THAP12: variants seen among roughly 807,000 people sequenced by gnomAD.
THAP12 encodes the protein THAP domain containing 12.
Under a neutral mutation model 63.0 loss-of-function variants are expected in THAP12, and 20 were observed. The ratio of observed to expected loss-of-function variants is 0.32; its 90% CI spans 0.22 to 0.46. The LOEUF (loss-of-function observed/expected upper bound fraction) is 0.46. Ranked by LOEUF, THAP12 falls within the 20% of genes least tolerant of loss-of-function variation. The pLI, the probability that THAP12 is intolerant of heterozygous loss-of-function variation, is 1.00. For synonymous variants in THAP12, 264 were observed against 328.4 expected, an observed-to-expected ratio of 0.80 and a Z score of 2.12; for missense variants, 568 against 908.2, an observed-to-expected ratio of 0.63 and a Z score of 4.81.
chr11:76,374,325 T>G, intron 1 of THAP12, among the ~76,000 whole-genome samples: 1 of 152,002 alleles, frequency 6.6e-6, no homozygotes, highest in South Asian at 2.1e-4. Context: ...AATTGGTCAT[T>G]TGGAAAATAT....
chr11:76,366,984 G>T (rs1306301116), intron 1 of THAP12, among the ~76,000 whole-genome samples: 1 of 151,732 alleles, frequency 6.6e-6, no homozygotes, highest in South Asian at 2.1e-4. Context: ...CCAAAGATGG[G>T]TACTATTAAT....
Position 76,352,272 on chromosome 11 carries a change from A to C in THAP12, c.878T>G (p.Phe293Cys), listed in dbSNP as rs763194817. ...VDESHNLREEFIGFLPYEADA... is the reference protein window; with the variant it reads ...VDESHNLREECIGFLPYEADA... ...GGCTTCATAAGGCAGGAAGCCTATAAATTCCTCTCTTAGGTTATGAGATTC... is the reference window on the plus strand; with the variant it reads ...GGCTTCATAAGGCAGGAAGCCTATACATTCCTCTCTTAGGTTATGAGATTC... Residue 293 changes from phenylalanine to cysteine, a missense_variant, in exon 5 of 5, where the codon TTT (phenylalanine) becomes TGT (cysteine). Coordinates refer to ENST00000260045, the MANE Select transcript of THAP12 (RefSeq NM_004705.4). 22 of 1,611,816 alleles carry C rather than the reference A, an allele frequency of 1.4e-5. No homozygotes were observed. Among genetic ancestry groups the C allele is most frequent in the Non-Finnish European group, 1.9e-5 (22 of 1,179,786 alleles).
intron 1 of THAP12, among the ~76,000 whole-genome samples, chr11:76,376,615 GTTTTTTTTGTTT>G (rs1200118666): frequency 7.8e-6 from 1 of 127,772 alleles, no homozygotes; most frequent in Non-Finnish European, 1.6e-5. Context: ...TTGTGTCTAT[GTTTTTTTTGTTT>G]TTTTTTTTTT....
chr11:76,351,972 C>T lies in THAP12; in HGVS notation c.1178G>A (p.Arg393Gln), dbSNP rs773152622. ...AAGTTCTAAAAGCAGTTGTGGTGAT[C>T]GATGGAAAAAAGAACAAACTTCCTC... The part of the protein sequence containing the change: ...TIEEVCSFFH[R>Q]SPQLLLELDN... The change falls in exon 5 of 5, where the codon CGA becomes CAA. Residue 393 changes from arginine to glutamine, a missense_variant. Physicochemically the swap from Arg to Gln is conservative, Grantham distance 43 (BLOSUM62 1). Coordinates refer to ENST00000260045, the MANE Select transcript of THAP12 (RefSeq NM_004705.4). 7 of 1,604,406 alleles carry T rather than the reference C, an allele frequency of 4.4e-6. No individual in the cohort carries two copies. The highest frequency in any genetic ancestry group is 4.5e-5 in the East Asian group (2 of 44,868).
intron 2 of THAP12, chr11:76,361,275 G>C: frequency 2.2e-6 from 1 of 446,854 alleles, no homozygotes; most frequent in East Asian, 3.7e-5. Context: ...TTAAGAAACT[G>C]AATTGAAGGT....
In THAP12 at chr11:76,380,025, G is replaced by A. The variant is rs1946740741; in HGVS notation, c.89+723C>T. Among the ~76,000 whole-genome samples, 4 of 152,162 alleles carry A rather than the reference G, an allele frequency of 2.6e-5. No homozygotes were observed. In the South Asian group the frequency reaches 8.3e-4, roughly 31 times the overall value. ...CACATAGTAGGCATTGATTTTAAATGAATGAACCAACAAGACAGGCCTATG... is the reference window on the plus strand; with the variant it reads ...CACATAGTAGGCATTGATTTTAAATAAATGAACCAACAAGACAGGCCTATG... On this transcript the variant is annotated intron_variant, in intron 1 of 4. Coordinates refer to ENST00000260045, the MANE Select transcript of THAP12 (RefSeq NM_004705.4).
chr11:76,359,024 C>T (rs909810873), intron 3 of THAP12: 1 of 152,062 alleles, frequency 6.6e-6, no homozygotes, highest in Non-Finnish European at 1.5e-5. Flanking sequence ...ACAAATTTCT[C>T]CTTATTTGCA....
At chr11:76,361,129 C>A (rs1205471615) in intron 2 of THAP12, 66 bp from the exon 3 acceptor site, 5 of 1,023,164 alleles carry the variant, frequency 4.9e-6, no homozygotes, top group South Asian at 4.2e-5. Context: ...CAATAAAATT[C>A]TATGTTAATG....
At chr11:76,355,958 C>CA (rs1367777590) in intron 3 of THAP12, 1 of 212,216 alleles carries the variant, frequency 4.7e-6, no homozygotes, top group East Asian at 1.0e-4. Context: ...ATGAAAGGCA[C>CA]AAAAATACAC....
intron 4 of THAP12, among the ~76,000 whole-genome samples, chr11:76,353,450 C>A (rs1946540738): frequency 1.3e-5 from 2 of 152,316 alleles, no homozygotes; most frequent in South Asian, 4.1e-4. Context: ...AAGATCCATG[C>A]TGATGCTGTT....
chr11:76,352,356 T>C lies in THAP12; in HGVS notation c.794A>G (p.Asp265Gly). ...TTCCCCTGCTATGTCCACTACATCG[T>C]CAGTGATAATGGAAAAGAAGTGTGA... ...RDSHFFSIIT[D>G]DVVDIAGEEH... Residue 265 changes from aspartate (D) to glycine (G), a missense_variant, in exon 5 of 5, where the codon GAC becomes GGC. By Grantham distance (94) the Asp-to-Gly change is moderately conservative (BLOSUM62 -1). Coordinates refer to ENST00000260045, the MANE Select transcript of THAP12 (RefSeq NM_004705.4). 6.2e-7 allele frequency: 1 copy of C among 1,612,012 alleles called. No homozygotes were observed. Among genetic ancestry groups the C allele is most frequent in the Non-Finnish European group, 8.5e-7 (1 of 1,179,846 alleles).
intron 1 of THAP12, among the ~76,000 whole-genome samples, chr11:76,368,082 A>T (rs1389942086): frequency 6.6e-6 from 1 of 152,234 alleles, no homozygotes; most frequent in Non-Finnish European, 1.5e-5. Flanking sequence ...TGTTTTTTAA[A>T]TTCTTAAATC....
At chr11:76,380,044 G>T (rs1480259036) in intron 1 of THAP12, among the ~76,000 whole-genome samples, 2 of 152,114 alleles carry the variant, frequency 1.3e-5, no homozygotes, top group African/African-American at 4.8e-5. Flanking sequence ...AACAAGACAG[G>T]CCTATGAAAC....
chr11:76,354,883 C>A (rs1049183051), intron 4 of THAP12, among the ~76,000 whole-genome samples: 4 of 152,164 alleles, frequency 2.6e-5, no homozygotes, highest in African/African-American at 9.7e-5. Flanking sequence ...AAACAGCACC[C>A]TGTTTCGTGC....
intron 3 of THAP12, 129 bp from the exon 4 acceptor site, chr11:76,355,783 C>A: frequency 2.8e-6 from 2 of 705,540 alleles, no homozygotes; most frequent in East Asian, 2.8e-5. Context: ...AGCATAAATT[C>A]TTTATATAGT....
chr11:76,365,723 T>C, intron 2 of THAP12, 129 bp downstream of exon 2: 3 of 1,215,204 alleles, frequency 2.5e-6, no homozygotes, highest in Non-Finnish European at 3.4e-6. Flanking sequence ...TCCAAATCTG[T>C]CTTCATCTTA....
intron 3 of THAP12, chr11:76,357,270 G>A (rs188258703): frequency 6.6e-6 from 1 of 152,270 alleles, no homozygotes; most frequent in Admixed American, 6.5e-5. Flanking sequence ...CTCTCTGAGG[G>A]AAGCTCCTGG....
chr11:76,356,568 T>A (rs753219231), intron 3 of THAP12: 1 of 152,216 alleles, frequency 6.6e-6, no homozygotes, highest in Non-Finnish European at 1.5e-5. Flanking sequence ...TAACCAACCA[T>A]GCATTGAAAA....
chr11:76,357,793 A>G (rs889894469), intron 3 of THAP12: 6 of 152,208 alleles, frequency 3.9e-5, no homozygotes, highest in African/African-American at 1.4e-4. Flanking sequence ...CAAAATACCT[A>G]CAGCCAGACA....
Sources: gnomAD v4.1 joint callset for allele counts (sites outside exome capture counted in the v4.1 genomes callset) on GRCh38, gnomAD v4.1.1 for gene constraint, MANE v1.5 for transcripts, NCBI Gene and HGNC (gene_info 2026-07-23, HGNC 2026-07-21) for gene names.